CUX2: variants seen among roughly 807,000 people sequenced by gnomAD.
CUX2 encodes the protein homeobox protein cut-like 2.
In CUX2, 40 loss-of-function variants were observed where a neutral mutation model predicts 144.8. The observed-to-expected ratio is 0.28, with a 90% confidence interval of 0.21 to 0.36. CUX2 has a LOEUF of 0.36. Among genes scored for constraint, CUX2 ranks in the 10% least tolerant of loss-of-function variants. The pLI is 1.00. For missense variants in CUX2, 1,615 were observed against 1,994.0 expected, an observed-to-expected ratio of 0.81 and a Z score of 3.62; for synonymous variants, 827 against 875.6, an observed-to-expected ratio of 0.94 and a Z score of 0.98.
At chr12:111,278,968 A>G (rs1445783649) in intron 4 of CUX2, among the ~76,000 whole-genome samples, 1 of 152,220 alleles carries the variant, frequency 6.6e-6, no homozygotes, top group Non-Finnish European at 1.5e-5. Context: ...TCAGGGCTCC[A>G]TGAATTCCTG....
chr12:111,115,579 T>A (rs537763812), intron 1 of CUX2, among the ~76,000 whole-genome samples: 31 of 152,250 alleles, frequency 2.0e-4, no homozygotes, highest in African/African-American at 7.5e-4. Context: ...TAATATTGAA[T>A]CTTCCAATCT....
intron 6 of CUX2, among the ~76,000 whole-genome samples, chr12:111,294,804 G>A (rs1356598705): frequency 4.6e-5 from 7 of 151,862 alleles, no homozygotes; most frequent in African/African-American, 1.5e-4. Context: ...AGGTTTAGGC[G>A]GGAGAATTGC....
chr12:111,105,485 C>CTGTGTG (rs139804461), intron 1 of CUX2, among the ~76,000 whole-genome samples: 3,403 of 149,664 alleles, frequency 0.023, 95 homozygotes, highest in African/African-American at 0.065. Flanking sequence ...CTGGAAAGCT[C>CTGTGTG]TGTGTGTGTG....
intron 1 of CUX2, among the ~76,000 whole-genome samples, chr12:111,111,659 G>A (rs2136082713): frequency 6.6e-6 from 1 of 152,242 alleles, no homozygotes; most frequent in South Asian, 2.1e-4. Context: ...AGGCCCGGGG[G>A]TACTTGAACT....
chr12:111,152,229 G>C (rs1183396617), intron 1 of CUX2, among the ~76,000 whole-genome samples: 1 of 152,078 alleles, frequency 6.6e-6, no homozygotes, highest in Non-Finnish European at 1.5e-5. Context: ...AGGTTGCAAT[G>C]AGCCAAGATC....
chr12:111,334,409 G>C, intron 18 of CUX2, 32 bp from the exon 19 acceptor site: 3 of 1,543,610 alleles, frequency 1.9e-6, no homozygotes, highest in Non-Finnish European at 2.6e-6. Context: ...CCAGATTATA[G>C]TAACCACCTT....
At chr12:111,070,983 G>T (rs550276556) in intron 1 of CUX2, among the ~76,000 whole-genome samples, 1 of 151,724 alleles carries the variant, frequency 6.6e-6, no homozygotes, top group East Asian at 1.9e-4. Context: ...TTGTCTGCAG[G>T]TACCACCGTT....
At chr12:111,066,480 C>T (rs1871024853) in intron 1 of CUX2, among the ~76,000 whole-genome samples, 1 of 152,194 alleles carries the variant, frequency 6.6e-6, no homozygotes, top group Admixed American at 6.5e-5. Flanking sequence ...TCTGAGCCCA[C>T]TTTGTCACTC....
intron 1 of CUX2, among the ~76,000 whole-genome samples, chr12:111,105,251 G>A (rs1314150135): frequency 6.6e-6 from 1 of 152,208 alleles, no homozygotes; most frequent in Non-Finnish European, 1.5e-5. Context: ...ATATTTGGGG[G>A]TGATTAAAAG....
rs1467075463 is a variant in CUX2 at position 111,330,716 on chromosome 12, T to TACACACATATAC, written c.2927-3724_2927-3723insCACACATATACA. Among the ~76,000 whole-genome samples, 29 of 36,948 alleles carry TACACACATATAC rather than the reference T, an allele frequency of 7.8e-4. 3 individuals are homozygous for TACACACATATAC. The highest frequency in any genetic ancestry group is 4.2e-3 in the African/African-American group (29 of 6,978). The allele number at this position is 36,948 out of a possible 152,430, so 24.2% of individuals were successfully genotyped here. A position where few individuals can be genotyped will look rare whatever the true frequency, so the allele number is the denominator to read the frequency against. On this transcript the variant is annotated intron_variant, in intron 18 of 21. Transcript: ENST00000261726. ...ATATATATATATATATATATATATATATATATATATATATATATATATATA... is the reference window on the plus strand; with the variant it reads ...ATATATATATATATATATATATATATACACACATATACATATATATATATATATATATATATA...
intron 3 of CUX2, among the ~76,000 whole-genome samples, chr12:111,259,323 G>A (rs1214866911): frequency 1.3e-5 from 2 of 151,878 alleles, no homozygotes; most frequent in African/African-American, 2.4e-5. Context: ...TTAGTCTCGC[G>A]GGCCACAAAG....
intron 4 of CUX2, among the ~76,000 whole-genome samples, chr12:111,290,158 A>C (rs1158949589): frequency 6.6e-6 from 1 of 152,178 alleles, no homozygotes. Context: ...AAAATCAAGA[A>C]AATGCAATGA....
chr12:111,277,885 G>GAT lies in CUX2; in HGVS notation c.302-13532_302-13531dup. 6.6e-6 allele frequency among the ~76,000 whole-genome samples: 1 copy of GAT among 152,232 alleles called. No individual in the cohort carries two copies. Among genetic ancestry groups the GAT allele is most frequent in the East Asian group, 1.9e-4 (1 of 5,202 alleles). ...ACCGTTCTGCAGAACAGAAGTCCAA[G>GAT]ATGGGTCTCACTGGGCAACAATCAA... is the stretch of plus-strand genomic sequence containing the variant. On this transcript the variant is annotated intron_variant, in intron 4 of 21. Transcript: ENST00000261726. This position sits in a 1 kb window ranked among gnomAD's most constrained non-coding sequence, Gnocchi z 5.0.
chr12:111,072,425 G>A, intron 1 of CUX2, among the ~76,000 whole-genome samples: 1 of 152,178 alleles, frequency 6.6e-6, no homozygotes, highest in East Asian at 1.9e-4. Context: ...CACCCTGTGG[G>A]CCTCCCTGCC....
At chr12:111,303,530 G>T (rs1291804019) in intron 9 of CUX2, among the ~76,000 whole-genome samples, 1 of 151,914 alleles carries the variant, frequency 6.6e-6, no homozygotes, top group Non-Finnish European at 1.5e-5. Context: ...CAGCTACTTG[G>T]GAGGCTGAGG....
chr12:111,117,887 A>T (rs1283322257), intron 1 of CUX2, among the ~76,000 whole-genome samples: 1 of 152,174 alleles, frequency 6.6e-6, no homozygotes, highest in Non-Finnish European at 1.5e-5. Flanking sequence ...CCCATATTAT[A>T]ATAACCCCAT....
At chr12:111,325,128 CAA>C (rs59188687) in intron 18 of CUX2, among the ~76,000 whole-genome samples, 8 of 117,048 alleles carry the variant, frequency 6.8e-5, no homozygotes, top group Admixed American at 1.7e-4. Context: ...ACTAAAATTA[CAA>C]AAAAAAAAAA....
At position 111,318,598 on chromosome 12, in the gene CUX2, T is replaced by TA. The variant is rs1555215785; in HGVS notation, c.2003-1414_2003-1413insA. ...GCATAGCAAGACCACATCTCTTTTT[T>TA]TAAAAAAAAAAAAAGATTCATATCT... On this transcript the variant is annotated intron_variant, in intron 16 of 21. Transcript: ENST00000261726. Among the ~76,000 whole-genome samples, 1,373 of 145,006 alleles carry TA rather than the reference T, an allele frequency of 9.5e-3. 29 individuals carry two copies. Among genetic ancestry groups the TA allele is most frequent in the African/African-American group, 0.035 (1,319 of 37,570 alleles).
intron 6 of CUX2, among the ~76,000 whole-genome samples, chr12:111,294,750 A>C (rs1885880840): frequency 6.6e-6 from 1 of 151,938 alleles, no homozygotes; most frequent in Admixed American, 6.6e-5. Flanking sequence ...TACAAAAATT[A>C]AGCTGTGTGT....
Sources: gnomAD v4.1 joint callset for allele counts (sites outside exome capture counted in the v4.1 genomes callset) on GRCh38, gnomAD v4.1.1 for gene constraint, Gnocchi (gnomAD v3.1) non-coding constraint, MANE v1.5 for transcripts, NCBI Gene and HGNC (gene_info 2026-07-23, HGNC 2026-07-21) for gene names.